The following SLC25A46 variants were observed in gnomAD, a reference collection of about 807,000 sequenced individuals.
SLC25A46 encodes solute carrier family 25 member 46.
Under a neutral mutation model 44.6 loss-of-function variants are expected in SLC25A46, and 39 were observed. The ratio of observed to expected loss-of-function variants is 0.87; its 90% CI spans 0.68 to 1.14. The LOEUF is 1.14. SLC25A46 is among the 50% of genes most tolerant of loss of function. The pLI is 0.00. For missense variants in SLC25A46, 547 were observed against 522.7 expected (o/e 1.05, Z -0.45); for synonymous variants, 202 against 185.8 (o/e 1.09, Z -0.71).
At position 110,761,495 on chromosome 5, in the gene SLC25A46, A is replaced by C. The variant is rs769666409; in HGVS notation, c.970A>C (p.Ser324Arg). 1.2e-6 allele frequency: 2 copies of C among 1,613,712 alleles called. No individual in the cohort carries two copies. The highest frequency in any genetic ancestry group is 1.3e-5 in the African/African-American group (1 of 74,900). ...FPELIANFAA[S>R]LCSDVILYPL... ...AGAACTTATTGCTAACTTTGCTGCC[A>C]GTCTTTGTTCTGACGTTATACTTTA... The change falls in exon 8 of 8, where the codon AGT becomes CGT. Residue 324 changes from serine (S) to arginine (R), a missense_variant. Ser to Arg is a moderately radical substitution (Grantham distance 110). Transcript: ENST00000355943. This position sits in a 1 kb window ranked among gnomAD's most constrained non-coding sequence, Gnocchi z 5.3.
chr5:110,762,330 A>G lies in SLC25A46; in HGVS notation c.*548A>G, dbSNP rs903262868. The G allele has an allele frequency of 6.5e-6, 1 of 152,760 alleles. No individual in the cohort carries two copies. Among genetic ancestry groups the G allele is most frequent in the Non-Finnish European group, 1.5e-5 (1 of 68,602 alleles). 9.5% of individuals were successfully genotyped at this position (152,760 alleles called of 1,614,324 possible). ...AAATGTTTTAAATTGCATTGTCCCTATGTAACTATCTTAATGGCTATATAT... is the reference window on the plus strand; with the variant it reads ...AAATGTTTTAAATTGCATTGTCCCTGTGTAACTATCTTAATGGCTATATAT... On this transcript the variant is annotated 3_prime_UTR_variant, in exon 8 of 8. Coordinates refer to ENST00000355943, the MANE Select transcript of SLC25A46 (RefSeq NM_138773.4).
upstream of SLC25A46, chr5:110,738,895 T>C (rs952488651): frequency 5.9e-6 from 7 of 1,187,548 alleles, no homozygotes; most frequent in African/African-American, 1.1e-4. Flanking sequence ...ACTTTTAAGG[T>C]CCAGGTTACC....
chr5:110,760,148 TATTCCCCCA>T (rs1800213833), intron 7 of SLC25A46, among the ~76,000 whole-genome samples: 1 of 152,176 alleles, frequency 6.6e-6, no homozygotes, highest in South Asian at 2.1e-4. Flanking sequence ...AAGGCAGTGC[TATTCCCCCA>T]GTTCCTCTGG....
intron 7 of SLC25A46, among the ~76,000 whole-genome samples, chr5:110,758,393 A>G (rs555866601): frequency 8.5e-5 from 13 of 152,148 alleles, no homozygotes; most frequent in Non-Finnish European, 1.3e-4. Flanking sequence ...CCTTGGCAAT[A>G]TATTAGTGAT....
At position 110,743,787 on chromosome 5, in the gene SLC25A46, G is replaced by C; in HGVS notation, c.384G>C (p.Gln128His). Residue 128 changes from glutamine (Q) to histidine (H), a missense_variant and splice_region_variant, in exon 3 of 8, where the codon CAG (glutamine) becomes CAC (histidine). Physicochemically the swap from Gln to His is conservative, Grantham distance 24 (BLOSUM62 0). Coordinates refer to ENST00000355943, the MANE Select transcript of SLC25A46 (RefSeq NM_138773.4). ...HPCIVLRRQC[Q>H]VNYHAQHYHL... is the part of the protein sequence containing the mutation. The stretch of plus-strand genomic sequence containing the variant: ...GCATTGTTCTACGCCGCCAATGTCA[G>C]GTAAATGTAATTTCTGTGATCTTTT... 1 of 1,603,172 alleles carries C rather than the reference G, an allele frequency of 6.2e-7. No individual in the cohort carries two copies. Among genetic ancestry groups the C allele is most frequent in the Non-Finnish European group, 8.5e-7 (1 of 1,172,946 alleles).
At chr5:110,757,721 G>A (rs1424312568) in intron 7 of SLC25A46, among the ~76,000 whole-genome samples, 2 of 151,962 alleles carry the variant, frequency 1.3e-5, no homozygotes, top group Non-Finnish European at 2.9e-5. Context: ...TTTTTGTATG[G>A]TGCTATAGAA....
intron 1 of SLC25A46, among the ~76,000 whole-genome samples, chr5:110,741,189 G>C (rs1799679755): frequency 1.3e-5 from 2 of 152,134 alleles, no homozygotes; most frequent in South Asian, 4.1e-4. Context: ...TTGATGTCTG[G>C]TCCCCTGGGG....
chr5:110,761,140 G>C lies in SLC25A46; in HGVS notation c.679-64G>C. 7.9e-7 allele frequency: 1 copy of C among 1,260,304 alleles called. No individual in the cohort carries two copies. Among genetic ancestry groups the C allele is most frequent in the African/African-American group, 1.5e-5 (1 of 65,888 alleles). The allele number at this position is 1,260,304 out of a possible 1,614,324, so 78.1% of individuals were successfully genotyped here. Reference sequence around the variant, plus strand: ...AGGATTTAAAAGGAACCTAAAAAGAGTCCTTTTTCTGTGGCAAAATAAGCA... The same window carrying C: ...AGGATTTAAAAGGAACCTAAAAAGACTCCTTTTTCTGTGGCAAAATAAGCA... On this transcript the variant is annotated intron_variant, in intron 7 of 7. Coordinates refer to ENST00000355943, the MANE Select transcript of SLC25A46 (RefSeq NM_138773.4). The surrounding 1 kb of genome is among the most constrained non-coding windows in gnomAD (Gnocchi z 5.3).
upstream of SLC25A46, chr5:110,738,156 G>T (rs1391231903): frequency 1.7e-6 from 2 of 1,172,762 alleles, no homozygotes; most frequent in East Asian, 1.3e-4. Context: ...GGCTTCCAAC[G>T]AGTTGAAGGA....
chr5:110,755,645 A>C (rs1800093803), intron 6 of SLC25A46, 124 bp downstream of exon 6: 1 of 539,792 alleles, frequency 1.9e-6, no homozygotes, highest in African/African-American at 2.0e-5. Context: ...TGTTGGTGGG[A>C]CTATAACTTC....
rs1252045135 is a variant in SLC25A46, at chr5:110,762,875, A to AAAT, written c.*1095_*1097dup. Reference sequence around the variant, plus strand: ...GTTTTGCTTTAAATTTTGTTTTCCAAAATAGATGTACGTGGAGGGAAAAGC... The same window carrying AAAT: ...GTTTTGCTTTAAATTTTGTTTTCCAAAATAATAGATGTACGTGGAGGGAAAAGC... On this transcript the variant is annotated 3_prime_UTR_variant, in exon 8 of 8. Coordinates refer to ENST00000355943, the MANE Select transcript of SLC25A46 (RefSeq NM_138773.4). 6.6e-6 allele frequency: 1 copy of AAAT among 151,878 alleles called. No homozygotes were observed. Among genetic ancestry groups the AAAT allele is most frequent in the Non-Finnish European group, 1.5e-5 (1 of 67,884 alleles). 9.4% of individuals were successfully genotyped at this position (151,878 alleles called of 1,614,324 possible). A position where few individuals can be genotyped will look rare whatever the true frequency, so the allele number is the denominator to read the frequency against.
At chr5:110,751,112 A>C (rs1403302419) in intron 5 of SLC25A46, among the ~76,000 whole-genome samples, 1 of 152,138 alleles carries the variant, frequency 6.6e-6, no homozygotes, top group African/African-American at 2.4e-5. Context: ...CCCACTCATT[A>C]ATTCATTCAT....
Position 110,761,555 on chromosome 5 carries a change from C to T in SLC25A46, c.1030C>T (p.Gln344Ter). Residue 344 changes from glutamine to a stop codon, truncating the protein, a stop_gained, in exon 8 of 8, where the codon CAA becomes TAA. Transcript: ENST00000355943. LOFTEE classifies it high-confidence loss of function. The surrounding 1 kb of genome is among the most constrained non-coding windows in gnomAD (Gnocchi z 5.3). ...AACAGTTTTGCACCGCCTTCACATT[C>T]AAGGAACACGCACAATAATTGACAA... ...LETVLHRLHIQGTRTIIDNTD... is the reference protein window; with the variant it reads ...LETVLHRLHI 3 of 1,613,774 alleles carry T rather than the reference C, an allele frequency of 1.9e-6. No homozygotes were observed. The highest frequency in any genetic ancestry group is 2.5e-6 in the Non-Finnish European group (3 of 1,179,794).
chr5:110,761,090 T>A lies in SLC25A46; in HGVS notation c.679-114T>A, dbSNP rs1440811728. On this transcript the variant is annotated intron_variant, in intron 7 of 7. Coordinates refer to ENST00000355943, the MANE Select transcript of SLC25A46 (RefSeq NM_138773.4). This position sits in a 1 kb window ranked among gnomAD's most constrained non-coding sequence, Gnocchi z 5.3. The stretch of plus-strand genomic sequence containing the variant: ...ACAGTTAAAGTCTGCAAATCATGGA[T>A]GTTTCCCTCTTCAGTCACTATGTTA... 1.3e-6 allele frequency: 1 copy of A among 770,884 alleles called. No individual in the cohort carries two copies. The highest frequency in any genetic ancestry group is 2.7e-5 in the Admixed American group (1 of 37,392). The allele number at this position is 770,884 out of a possible 1,614,324, so 47.8% of individuals were successfully genotyped here. A position where few individuals can be genotyped will look rare whatever the true frequency, so the allele number is the denominator to read the frequency against.
At chr5:110,756,898 A>G (rs1800130781) in intron 7 of SLC25A46, 139 bp downstream of exon 7, 1 of 472,440 alleles carries the variant, frequency 2.1e-6, no homozygotes, top group South Asian at 6.6e-5. Context: ...TATCACAGTT[A>G]TATCGCACGT....
chr5:110,748,372 G>T, intron 5 of SLC25A46, 109 bp downstream of exon 5: 1 of 801,396 alleles, frequency 1.2e-6, no homozygotes, highest in African/African-American at 1.7e-5. Context: ...TGATGCTAAA[G>T]TTTGGACTTC....
rs548545179 is a variant in SLC25A46 at position 110,763,362 on chromosome 5, A to G, written c.*1580A>G. 4.0e-5 allele frequency: 6 copies of G among 151,564 alleles called. No homozygotes were observed. The highest frequency in any genetic ancestry group is 8.8e-5 in the Non-Finnish European group (6 of 67,864). The allele number at this position is 151,564 out of a possible 1,614,324, so 9.4% of individuals were successfully genotyped here. A position where few individuals can be genotyped will look rare whatever the true frequency, so the allele number is the denominator to read the frequency against. ...ATATCCAAAAAGTGTAAAAACAGTA[A>G]TAAGTAGCAAATCTCTCGTGTGTGT... On this transcript the variant is annotated 3_prime_UTR_variant, in exon 8 of 8. Coordinates refer to ENST00000355943, the MANE Select transcript of SLC25A46 (RefSeq NM_138773.4).
At position 110,739,238 on chromosome 5, in the gene SLC25A46, G is replaced by A. The variant is rs1294457941; in HGVS notation, c.119G>A (p.Gly40Asp). ...TCCTTCAGCACCGGGTCGGACCTGG[G>A]CCACTGGGTGACGACTCCCCCAGAT... ...ARSFSTGSDL[G>D]HWVTTPPDIP... The change falls in exon 1 of 8, where the codon GGC becomes GAC. Residue 40 changes from glycine to aspartate, a missense_variant. By Grantham distance (94) the Gly-to-Asp change is moderately conservative (BLOSUM62 -1). Transcript: ENST00000355943. The A allele has an allele frequency of 1.3e-6, 2 of 1,580,702 alleles. No homozygotes were observed. Among genetic ancestry groups the A allele is most frequent in the East Asian group, 2.3e-5 (1 of 43,366 alleles).
chr5:110,753,164 A>G (rs2431651), intron 5 of SLC25A46: 150,194 of 152,234 alleles, frequency 0.99, 74,134 homozygotes, highest in Non-Finnish European at 1. Flanking sequence ...GTTTTTGTTC[A>G]AAACCAATTT....
Sources: gnomAD v4.1 joint callset for allele counts (sites outside exome capture counted in the v4.1 genomes callset) on GRCh38, gnomAD v4.1.1 for gene constraint, Gnocchi (gnomAD v3.1) non-coding constraint, MANE v1.5 for transcripts, NCBI Gene and HGNC (gene_info 2026-07-23, HGNC 2026-07-21) for gene names.